Variants in CNTNAP2 observed in about 807,000 individuals in gnomAD.
CNTNAP2 encodes contactin associated protein 2.
In CNTNAP2, 98 loss-of-function variants were observed where a neutral mutation model predicts 155.2. The observed-to-expected ratio is 0.63, with a 90% CI of 0.54 to 0.75. The LOEUF (loss-of-function observed/expected upper bound fraction) is 0.75, where lower values mean the gene tolerates loss of function less well. Ranked by LOEUF, CNTNAP2 falls within the 30% of genes least tolerant of loss-of-function variation. The pLI is 0.00. For missense variants in CNTNAP2, 1,727 were observed against 1,688.1 expected (o/e 1.02, Z -0.40); for synonymous variants, 651 against 631.2 (o/e 1.03, Z -0.47).
At chr7:148,413,401 A>AAAAAAAAT (rs1442990213) in intron 23 of CNTNAP2, among the ~76,000 whole-genome samples, 10 of 45,366 alleles carry the variant, frequency 2.2e-4, no homozygotes, top group African/African-American at 1.3e-3. Flanking sequence ...TCAAAAAAAA[A>AAAAAAAAT]ATATATATAT....
intron 1 of CNTNAP2, among the ~76,000 whole-genome samples, chr7:146,326,514 C>CCA (rs2129093721): frequency 6.6e-6 from 1 of 152,280 alleles, no homozygotes; most frequent in South Asian, 2.1e-4. Context: ...TAGGACAAGA[C>CCA]TGTCGTATAC....
At chr7:148,299,454 G>T (rs1797343555) in intron 21 of CNTNAP2, among the ~76,000 whole-genome samples, 1 of 152,244 alleles carries the variant, frequency 6.6e-6, no homozygotes, top group African/African-American at 2.4e-5. Flanking sequence ...GGCAGAGCCA[G>T]CTCAGGCCAG....
chr7:147,128,942 T>C, intron 7 of CNTNAP2, 106 bp downstream of exon 7: 1 of 1,439,222 alleles, frequency 6.9e-7, no homozygotes, highest in South Asian at 1.2e-5. Flanking sequence ...TCATCATATT[T>C]GTGTTTGGGC....
intron 1 of CNTNAP2, among the ~76,000 whole-genome samples, chr7:146,563,358 A>G (rs1265253515): frequency 6.6e-6 from 1 of 152,070 alleles, no homozygotes; most frequent in Non-Finnish European, 1.5e-5. Context: ...AAACCATTAC[A>G]CTATTGAACT....
chr7:147,779,704 C>T (rs1446555478), intron 13 of CNTNAP2, among the ~76,000 whole-genome samples: 1 of 152,122 alleles, frequency 6.6e-6, no homozygotes, highest in African/African-American at 2.4e-5. Context: ...AAATACTAGA[C>T]TCAGGGATGT....
At chr7:146,875,050 A>T (rs1035326180) in intron 3 of CNTNAP2, among the ~76,000 whole-genome samples, 3 of 152,160 alleles carry the variant, frequency 2.0e-5, no homozygotes, top group Non-Finnish European at 4.4e-5. Flanking sequence ...TCATTATTCA[A>T]TTTACATTTA....
At chr7:147,997,382 C>T (rs1245694707) in intron 15 of CNTNAP2, among the ~76,000 whole-genome samples, 4 of 151,858 alleles carry the variant, frequency 2.6e-5, no homozygotes, top group African/African-American at 9.7e-5. Context: ...GGAGAAACCC[C>T]GTCTCTATTT....
At chr7:146,642,564 G>A (rs1168023365) in intron 1 of CNTNAP2, among the ~76,000 whole-genome samples, 2 of 151,372 alleles carry the variant, frequency 1.3e-5, no homozygotes, top group East Asian at 1.9e-4. Flanking sequence ...ATCATTGTTG[G>A]ACATTTGGGT....
chr7:147,729,332 A>G (rs1302545350), intron 13 of CNTNAP2, among the ~76,000 whole-genome samples: 3 of 151,838 alleles, frequency 2.0e-5, no homozygotes, highest in Admixed American at 1.3e-4. Context: ...CTTTAACTAG[A>G]TGTTAGAAGT....
At chr7:147,218,402 T>C (rs1212552899) in intron 8 of CNTNAP2, among the ~76,000 whole-genome samples, 1 of 151,942 alleles carries the variant, frequency 6.6e-6, no homozygotes, top group African/African-American at 2.4e-5. Flanking sequence ...CCATGTGTTA[T>C]TTAGAAGTGT....
chr7:148,088,712 C>T lies in CNTNAP2; in HGVS notation c.2384-29406C>T, dbSNP rs889790096. ...AAAATCCCAAGACCTGATAGCTTTA[C>T]TGCTGAATTCTACCAAACATTTAAA... On this transcript the variant is annotated intron_variant, in intron 15 of 23. Coordinates refer to ENST00000361727, the MANE Select transcript of CNTNAP2 (RefSeq NM_014141.6). 2.0e-5 allele frequency among the ~76,000 whole-genome samples: 3 copies of T among 151,976 alleles called. 1 individual carries two copies. The highest frequency in any genetic ancestry group is 7.2e-5 in the African/African-American group (3 of 41,440).
intron 1 of CNTNAP2, among the ~76,000 whole-genome samples, chr7:146,768,780 G>A (rs777398144): frequency 6.6e-6 from 1 of 152,080 alleles, no homozygotes; most frequent in Non-Finnish European, 1.5e-5. Context: ...TTAGGCTTAT[G>A]TTACCAAATG....
chr7:147,901,235 C>G (rs4725753), intron 13 of CNTNAP2, among the ~76,000 whole-genome samples: 35,244 of 152,064 alleles, frequency 0.23, 4,747 homozygotes, highest in Middle Eastern at 0.39. Context: ...CATCTAGCCT[C>G]CCTGAATCCA....
In CNTNAP2 at chr7:148,014,908, G is replaced by T. The variant is rs184082128; in HGVS notation, c.2383+36919G>T. On this transcript the variant is annotated intron_variant, in intron 15 of 23. Transcript: ENST00000361727. ...GCAATTGAAGGAAGCCCAGCTGAGA[G>T]AGAAGGCTTCAGTAAAGAAAATTAG... Among the ~76,000 whole-genome samples, 603 of 152,338 alleles carry T rather than the reference G, an allele frequency of 4.0e-3. 4 individuals are homozygous for T. Among genetic ancestry groups the T allele is most frequent in the Non-Finnish European group, 3.8e-3 (256 of 68,042 alleles).
intron 10 of CNTNAP2, among the ~76,000 whole-genome samples, chr7:147,436,889 A>C (rs1198914993): frequency 6.6e-6 from 1 of 152,148 alleles, no homozygotes; most frequent in Non-Finnish European, 1.5e-5. Flanking sequence ...CTTAAGGAAA[A>C]CATTCCAGGG....
intron 15 of CNTNAP2, among the ~76,000 whole-genome samples, chr7:148,027,725 G>T (rs1055038206): frequency 1.6e-4 from 25 of 152,184 alleles, no homozygotes; most frequent in African/African-American, 5.3e-4. Context: ...TTGTAAAGAG[G>T]TTTATTTTGA....
chr7:147,506,852 T>G lies in CNTNAP2; in HGVS notation c.1777+20811T>G, dbSNP rs556064983. Among the ~76,000 whole-genome samples the G allele has an allele frequency of 5.5e-4, 84 of 152,280 alleles. No homozygotes were observed. In the South Asian group the frequency reaches 0.017, roughly 31 times the overall value. The stretch of plus-strand genomic sequence containing the variant: ...GTCTCCAAATTACTCAGCTGTTTCT[T>G]CCTTCCTGTGATATTTTAAAAGGTC... On this transcript the variant is annotated intron_variant, in intron 11 of 23. Coordinates refer to ENST00000361727, the MANE Select transcript of CNTNAP2 (RefSeq NM_014141.6).
chr7:147,430,978 GC>G (rs1797456035), intron 10 of CNTNAP2, among the ~76,000 whole-genome samples: 1 of 151,632 alleles, frequency 6.6e-6, no homozygotes, highest in Admixed American at 6.6e-5. Flanking sequence ...AACCTGAGAG[GC>G]GGAGCTTGCA....
chr7:147,109,094 T>A (rs779086264), intron 5 of CNTNAP2, among the ~76,000 whole-genome samples: 4 of 152,238 alleles, frequency 2.6e-5, no homozygotes. Context: ...TTAAACTGTA[T>A]GGCTTTATCA....
Sources: allele counts gnomAD v4.1 joint callset (sites outside exome capture counted in the v4.1 genomes callset), GRCh38; gene constraint gnomAD v4.1.1; transcripts MANE v1.5; gene names NCBI Gene and HGNC (gene_info 2026-07-23, HGNC 2026-07-21).